Variants in NOL11 observed in about 807,000 individuals in gnomAD.
NOL11 encodes the protein nucleolar protein 11.
A neutral mutation model predicts 93.0 loss-of-function variants in NOL11; 42 were observed. That is an observed-to-expected ratio of 0.45 (90% CI 0.35 to 0.58). The LOEUF is 0.58. NOL11 is among the 20% of genes least tolerant of loss of function. NOL11 has a pLI of 0.00. For missense variants in NOL11, 775 were observed against 841.8 expected, an observed-to-expected ratio of 0.92 and a Z score of 0.98; for synonymous variants, 296 against 293.7, an observed-to-expected ratio of 1.01 and a Z score of -0.08.
chr17:67,718,099 T>C lies in NOL11; in HGVS notation c.141+11T>C. The C allele has an allele frequency of 6.2e-7, 1 of 1,612,344 alleles. No homozygotes were observed. The highest frequency in any genetic ancestry group is 8.5e-7 in the Non-Finnish European group (1 of 1,179,040). On this transcript the variant is annotated intron_variant, in intron 1 of 17. Coordinates refer to ENST00000253247, the MANE Select transcript of NOL11 (RefSeq NM_015462.5). ...GTCATCCTCTATAAGGTGAAGGCAA[T>C]AGGTTTGGGAGCGCCCCGACTGCCT...
chr17:67,733,387 A>G (rs369942734), intron 7 of NOL11, among the ~76,000 whole-genome samples: 67 of 152,226 alleles, frequency 4.4e-4, no homozygotes, highest in African/African-American at 1.5e-3. Context: ...CAAAAATTGG[A>G]TTTTTGTTTT....
chr17:67,738,203 G>A lies in NOL11; in HGVS notation c.1611G>A (p.Glu537=). ...FDYSINSVHD[E]KMEEQTEILQ... ...ATAGTATAAATTCTGTACATGATGAGAAAATGGAAGAGCAAACTGAAATTC... is the reference window on the plus strand; with the variant it reads ...ATAGTATAAATTCTGTACATGATGAAAAAATGGAAGAGCAAACTGAAATTC... Residue 537 remains glutamate (E), a synonymous_variant, in exon 14 of 18, where the codon GAG becomes GAA. Coordinates refer to ENST00000253247, the MANE Select transcript of NOL11 (RefSeq NM_015462.5). The A allele has an allele frequency of 1.2e-6, 2 of 1,613,302 alleles. No homozygotes were observed. The highest frequency in any genetic ancestry group is 8.5e-7 in the Non-Finnish European group (1 of 1,179,574).
At position 67,736,010 on chromosome 17, in the gene NOL11, T is replaced by C. The variant is rs922069198; in HGVS notation, c.1041T>C (p.His347=). ...SLAGALGKLK[H]SQDPGTHVVS... is the part of the protein sequence containing the mutation. ...CAGGTGCTCTTGGAAAACTCAAGCA[T>C]AGTCAAGATCCAGGTAGAAACTTAC... Residue 347 remains histidine, a synonymous_variant, in exon 9 of 18, where the codon CAT becomes CAC. Transcript: ENST00000253247. 3 of 1,605,788 alleles carry C rather than the reference T, an allele frequency of 1.9e-6. No homozygotes were observed. Among genetic ancestry groups the C allele is most frequent in the Non-Finnish European group, 2.5e-6 (3 of 1,176,574 alleles).
chr17:67,724,115 C>T lies in NOL11; in HGVS notation c.586C>T (p.Leu196Phe). 3 of 1,592,284 alleles carry T rather than the reference C, an allele frequency of 1.9e-6. No homozygotes were observed. Among genetic ancestry groups the T allele is most frequent in the Non-Finnish European group, 2.6e-6 (3 of 1,167,706 alleles). Residue 196 changes from leucine to phenylalanine, a missense_variant, in exon 6 of 18, where the codon CTT (leucine) becomes TTT (phenylalanine). Physicochemically the swap from Leu to Phe is conservative, Grantham distance 22. Coordinates refer to ENST00000253247, the MANE Select transcript of NOL11 (RefSeq NM_015462.5). ...TATCTTAACCAAATATACACTCTTA[C>T]TTGGACAAGACGAAAACTCTGTTAT... is the stretch of plus-strand genomic sequence containing the variant. The part of the protein sequence containing the change: ...SRILTKYTLL[L>F]GQDENSVIKS...
rs1472610739 is a variant in NOL11 at position 67,726,476 on chromosome 17, A to T, written c.681A>T (p.Ile227=). The T allele has an allele frequency of 6.2e-7, 1 of 1,612,646 alleles. No individual in the cohort carries two copies. The highest frequency in any genetic ancestry group is 1.7e-5 in the Admixed American group (1 of 59,634). ...SLMSLSSDGC[I]YETLIPIRPA... Reference sequence around the variant, plus strand: ...TTCCAACAGGCTCTGATGGTTGTATATATGAAACCTTGATACCAATACGTC... The same window carrying T: ...TTCCAACAGGCTCTGATGGTTGTATTTATGAAACCTTGATACCAATACGTC... Residue 227 remains isoleucine (I), a synonymous_variant, in exon 7 of 18, where the codon ATA becomes ATT. Coordinates refer to ENST00000253247, the MANE Select transcript of NOL11 (RefSeq NM_015462.5).
intron 1 of NOL11, chr17:67,719,384 CTGAG>C (rs758690253): frequency 5.6e-5 from 12 of 212,588 alleles, no homozygotes; most frequent in Non-Finnish European, 1.0e-4. Context: ...CCTCAGCCTC[CTGAG>C]TAATTGGGGT....
chr17:67,726,456 A>G lies in NOL11; in HGVS notation c.665-4A>G, dbSNP rs200498169. The G allele has an allele frequency of 3.1e-5, 50 of 1,602,378 alleles. No homozygotes were observed. In the South Asian group the frequency reaches 4.5e-4, roughly 14 times the overall value. On this transcript the variant is annotated splice_polypyrimidine_tract_variant and splice_region_variant and intron_variant, in intron 6 of 17. Transcript: ENST00000253247. ...AACCAACAACAAATGCTTGTTTCCAACAGGCTCTGATGGTTGTATATATGA... is the reference window on the plus strand; with the variant it reads ...AACCAACAACAAATGCTTGTTTCCAGCAGGCTCTGATGGTTGTATATATGA...
At chr17:67,718,716 G>A (rs2043194506) in intron 1 of NOL11, among the ~76,000 whole-genome samples, 1 of 152,196 alleles carries the variant, frequency 6.6e-6, no homozygotes, top group Admixed American at 6.5e-5. Flanking sequence ...GCTTTTGGTG[G>A]TCGCATAGAA....
rs777136155 is a variant in NOL11 at position 67,743,956 on chromosome 17, A to G, written c.*97A>G. On this transcript the variant is annotated 3_prime_UTR_variant, in exon 18 of 18. Coordinates refer to ENST00000253247, the MANE Select transcript of NOL11 (RefSeq NM_015462.5). The stretch of plus-strand genomic sequence containing the variant: ...ACGGTGTTTTGTTTGCGACCATCTC[A>G]GTGTCAAGAGAAACGTGTCAGTGAG... 1.4e-5 allele frequency: 9 copies of G among 648,270 alleles called. No homozygotes were observed. Among genetic ancestry groups the G allele is most frequent in the African/African-American group, 9.4e-5 (5 of 53,072 alleles). 40.2% of individuals were successfully genotyped at this position (648,270 alleles called of 1,614,324 possible). A position where few individuals can be genotyped will look rare whatever the true frequency, so the allele number is the denominator to read the frequency against.
At chr17:67,730,468 GCCA>G (rs1165111484) in intron 7 of NOL11, among the ~76,000 whole-genome samples, 1 of 152,036 alleles carries the variant, frequency 6.6e-6, no homozygotes, top group African/African-American at 2.4e-5. Flanking sequence ...CACCGTCTTA[GCCA>G]GGATGGTCTC....
chr17:67,720,640 A>G (rs1390766379), intron 3 of NOL11, among the ~76,000 whole-genome samples: 5 of 152,204 alleles, frequency 3.3e-5, no homozygotes, highest in African/African-American at 9.7e-5. Flanking sequence ...ATAATACAGT[A>G]AAAAATAAAA....
intron 4 of NOL11, among the ~76,000 whole-genome samples, chr17:67,722,073 A>G (rs1352283146): frequency 6.6e-6 from 1 of 152,198 alleles, no homozygotes; most frequent in Non-Finnish European, 1.5e-5. Flanking sequence ...GGTACTTACA[A>G]CGTGGCCAAT....
At chr17:67,736,440 G>C (rs1367791809) in intron 9 of NOL11, 1 of 506,634 alleles carries the variant, frequency 2.0e-6, no homozygotes, top group East Asian at 3.2e-5. Context: ...TAATACCTCT[G>C]CCCTCCCTTG....
intron 10 of NOL11, 116 bp downstream of exon 10, chr17:67,736,870 G>C: frequency 2.4e-6 from 2 of 847,304 alleles, no homozygotes; most frequent in Non-Finnish European, 1.9e-6. Flanking sequence ...TATAATGACA[G>C]GACAGTTTGC....
intron 3 of NOL11, among the ~76,000 whole-genome samples, chr17:67,720,760 A>T (rs2159910): frequency 1.3e-5 from 2 of 152,086 alleles, no homozygotes; most frequent in African/African-American, 2.4e-5. Context: ...AGTTCTTTCC[A>T]GTTCTAAATG....
At chr17:67,731,064 GTCT>G (rs1285929817) in intron 7 of NOL11, among the ~76,000 whole-genome samples, 2 of 152,124 alleles carry the variant, frequency 1.3e-5, no homozygotes, top group Admixed American at 6.6e-5. Context: ...CTATTTATAT[GTCT>G]TCTTTGGAGA....
At chr17:67,739,378 T>G (rs946565668) in intron 15 of NOL11, 138 bp from the exon 16 acceptor site, 13 of 579,012 alleles carry the variant, frequency 2.2e-5, no homozygotes, top group Non-Finnish European at 3.9e-5. Flanking sequence ...TGCATTTTAT[T>G]CATTTTTATG....
Position 67,717,988 on chromosome 17 carries a change from T to C in NOL11, c.41T>C (p.Val14Ala). The change falls in exon 1 of 18, where the codon GTC (valine) becomes GCC (alanine). Residue 14 changes from valine (V) to alanine (A), a missense_variant. By Grantham distance (64) the Val-to-Ala change is moderately conservative (BLOSUM62 0). Around this residue, in one of 2 missense-constraint regions of NOL11, gnomAD observed 359 missense variants for 316.5 expected, o/e 1.13. Coordinates refer to ENST00000253247, the MANE Select transcript of NOL11 (RefSeq NM_015462.5). ...LEEEFTLSSVVLSAGPEGLLG... is the reference protein window; with the variant it reads ...LEEEFTLSSVALSAGPEGLLG... ...GAAGAATTCACGTTGTCTTCGGTAG[T>C]CCTGAGCGCCGGGCCTGAAGGACTC... 3 of 1,614,210 alleles carry C rather than the reference T, an allele frequency of 1.9e-6. No homozygotes were observed. The highest frequency in any genetic ancestry group is 1.7e-6 in the Non-Finnish European group (2 of 1,180,038).
chr17:67,723,882 G>A (rs895414245), intron 5 of NOL11, among the ~76,000 whole-genome samples, 167 bp from the exon 6 acceptor site: 1 of 152,026 alleles, frequency 6.6e-6, no homozygotes, highest in Admixed American at 6.6e-5. Flanking sequence ...GCCCAGCCTG[G>A]GCCACAGAGC....
Sources: allele counts gnomAD v4.1 joint callset (sites outside exome capture counted in the v4.1 genomes callset), GRCh38; gene constraint gnomAD v4.1.1; regional missense constraint gnomAD v4.1.1; transcripts MANE v1.5; gene names NCBI Gene and HGNC (gene_info 2026-07-23, HGNC 2026-07-21).